Variants in CCBE1 observed in about 807,000 individuals in gnomAD.
CCBE1 encodes collagen and calcium binding EGF domains 1, also known as collagen and calcium-binding EGF domain-containing protein 1.
Under a neutral mutation model 50.0 loss-of-function variants are expected in CCBE1, and 37 were observed. That is an observed-to-expected ratio of 0.74 (90% CI 0.57 to 0.97). CCBE1 has a LOEUF of 0.97. Ranked by LOEUF, CCBE1 falls within the 50% of genes least tolerant of loss-of-function variation. The pLI, the probability that CCBE1 is intolerant of heterozygous loss-of-function variation, is 0.00. For synonymous variants in CCBE1, 234 were observed against 203.7 expected (o/e 1.15, Z -1.27); for missense variants, 538 against 523.8 (o/e 1.03, Z -0.26).
At chr18:59,532,416 A>C (rs578060449) in intron 2 of CCBE1, among the ~76,000 whole-genome samples, 1 of 152,340 alleles carries the variant, frequency 6.6e-6, no homozygotes, top group East Asian at 1.9e-4. Flanking sequence ...GCCTCGCATT[A>C]AACTGACTCC....
At chr18:59,677,195 C>A (rs1469275483) in intron 2 of CCBE1, among the ~76,000 whole-genome samples, 1 of 152,124 alleles carries the variant, frequency 6.6e-6, no homozygotes, top group Non-Finnish European at 1.5e-5. Flanking sequence ...TGGCCTGGAC[C>A]AGGATGATGT....
At chr18:59,466,146 C>G (rs1193530203) in intron 5 of CCBE1, among the ~76,000 whole-genome samples, 1 of 151,800 alleles carries the variant, frequency 6.6e-6, no homozygotes, top group Non-Finnish European at 1.5e-5. Flanking sequence ...ATATAAAATA[C>G]ATGATATGGT....
At chr18:59,482,544 T>C (rs540324481) in intron 2 of CCBE1, among the ~76,000 whole-genome samples, 1 of 152,332 alleles carries the variant, frequency 6.6e-6, no homozygotes, top group South Asian at 2.1e-4. Flanking sequence ...TGCTCTGAAT[T>C]TCTTAAAGCA....
intron 2 of CCBE1, among the ~76,000 whole-genome samples, chr18:59,542,085 G>T (rs909313568): frequency 1.3e-5 from 2 of 150,578 alleles, no homozygotes; most frequent in Admixed American, 6.7e-5. Context: ...GAGGTGGGAG[G>T]ATCACCTGAG....
At chr18:59,642,687 C>T (rs1284874295) in intron 2 of CCBE1, among the ~76,000 whole-genome samples, 3 of 152,150 alleles carry the variant, frequency 2.0e-5, no homozygotes, top group African/African-American at 7.2e-5. Flanking sequence ...CGGTGGCTCA[C>T]GCCTGTAATC....
intron 2 of CCBE1, among the ~76,000 whole-genome samples, chr18:59,580,950 T>C (rs1568216966): frequency 6.6e-6 from 1 of 152,152 alleles, no homozygotes; most frequent in African/African-American, 2.4e-5. Context: ...CTCCCGTGGA[T>C]GAGGAGAGGC....
chr18:59,495,527 G>A (rs1913312494), intron 2 of CCBE1, among the ~76,000 whole-genome samples: 1 of 151,428 alleles, frequency 6.6e-6, no homozygotes, highest in Non-Finnish European at 1.5e-5. Context: ...TTAACTCTCT[G>A]GCTTCTTTAC....
chr18:59,652,079 T>C (rs2054134676), intron 2 of CCBE1, among the ~76,000 whole-genome samples: 1 of 152,228 alleles, frequency 6.6e-6, no homozygotes, highest in African/African-American at 2.4e-5. Flanking sequence ...GTTCAAATTT[T>C]TGTTTAGCTC....
intron 2 of CCBE1, among the ~76,000 whole-genome samples, chr18:59,530,750 A>G (rs894117589): frequency 1.3e-5 from 2 of 152,228 alleles, no homozygotes; most frequent in African/African-American, 4.8e-5. Flanking sequence ...GGAACAAACA[A>G]CAAAAACAGT....
chr18:59,506,865 T>C (rs959028151), intron 2 of CCBE1, among the ~76,000 whole-genome samples: 1 of 152,238 alleles, frequency 6.6e-6, no homozygotes, highest in Non-Finnish European at 1.5e-5. Flanking sequence ...AATTTTTGCT[T>C]CCCATAAAGT....
At chr18:59,667,320 G>GT (rs766744852) in intron 2 of CCBE1, among the ~76,000 whole-genome samples, 6 of 152,116 alleles carry the variant, frequency 3.9e-5, no homozygotes, top group Non-Finnish European at 8.8e-5. Context: ...TTTCTATTTC[G>GT]TAAGGATTGT....
intron 2 of CCBE1, among the ~76,000 whole-genome samples, chr18:59,483,847 C>A (rs1032002398): frequency 2.2e-4 from 33 of 152,136 alleles, no homozygotes; most frequent in African/African-American, 7.7e-4. Context: ...TTGAGTGATA[C>A]AGCTAAGGTC....
At position 59,693,864 on chromosome 18, in the gene CCBE1, CTTTTT is replaced by C. The variant is rs11410421; in HGVS notation, c.212+2760_212+2764del. On this transcript the variant is annotated intron_variant, in intron 2 of 10. Coordinates refer to ENST00000439986, the MANE Select transcript of CCBE1 (RefSeq NM_133459.4). ...AGAATATTTCTTGTTAAAGGAAAGC[CTTTTT>C]TTTTTTTTTTTTTTTTTTTTTGAGA... Among the ~76,000 whole-genome samples, 543 of 70,690 alleles carry C rather than the reference CTTTTT, an allele frequency of 7.7e-3. 1 individual carries two copies. The highest frequency in any genetic ancestry group is 0.024 in the African/African-American group (386 of 15,960). 46.4% of individuals were successfully genotyped at this position (70,690 alleles called of 152,430 possible).
chr18:59,523,717 G>A (rs924420264), intron 2 of CCBE1, among the ~76,000 whole-genome samples: 2 of 152,112 alleles, frequency 1.3e-5, no homozygotes, highest in Non-Finnish European at 2.9e-5. Flanking sequence ...TTAAACGCTT[G>A]GAGATTGAGA....
chr18:59,470,130 G>C (rs1328629626), intron 3 of CCBE1, among the ~76,000 whole-genome samples: 1 of 152,106 alleles, frequency 6.6e-6, no homozygotes, highest in Non-Finnish European at 1.5e-5. Context: ...CCTGAGACTG[G>C]GTAATTTATA....
At chr18:59,504,568 A>C (rs1457492619) in intron 2 of CCBE1, among the ~76,000 whole-genome samples, 1 of 152,150 alleles carries the variant, frequency 6.6e-6, no homozygotes, top group African/African-American at 2.4e-5. Context: ...AGGACATGGA[A>C]AAGGCTGAGA....
intron 2 of CCBE1, among the ~76,000 whole-genome samples, chr18:59,521,747 A>ATGTTACAAGAAACC (rs71177035): frequency 6.6e-6 from 1 of 152,084 alleles, no homozygotes; most frequent in South Asian, 2.1e-4. Flanking sequence ...CATGAAAAAA[A>ATGTTACAAGAAACC]TGCAGGCTGT....
At chr18:59,560,177 G>T (rs2052713285) in intron 2 of CCBE1, among the ~76,000 whole-genome samples, 1 of 152,204 alleles carries the variant, frequency 6.6e-6, no homozygotes, top group African/African-American at 2.4e-5. Flanking sequence ...AGTTAGCCAG[G>T]GATGCCCATT....
intron 4 of CCBE1, among the ~76,000 whole-genome samples, chr18:59,468,227 C>G (rs8087929): frequency 2.0e-5 from 3 of 151,838 alleles, no homozygotes; most frequent in Admixed American, 1.3e-4. Context: ...CTATAAAATA[C>G]GAACAAAATT....
Sources: allele counts gnomAD v4.1 joint callset (sites outside exome capture counted in the v4.1 genomes callset), GRCh38; gene constraint gnomAD v4.1.1; transcripts MANE v1.5; gene names NCBI Gene and HGNC (gene_info 2026-07-23, HGNC 2026-07-21).